Variants in SNTG1 observed in about 807,000 individuals in gnomAD.
The protein encoded by SNTG1 is syntrophin gamma 1.
A neutral mutation model predicts 74.7 loss-of-function variants in SNTG1; 39 were observed. The observed-to-expected ratio is 0.52, with a 90% CI of 0.40 to 0.68. The LOEUF (loss-of-function observed/expected upper bound fraction) is 0.68, where lower values mean the gene tolerates loss of function less well. Among genes scored for constraint, SNTG1 ranks in the 30% least tolerant of loss-of-function variants. SNTG1 has a pLI of 0.00. For missense variants in SNTG1, 685 were observed against 609.5 expected (o/e 1.12, Z -1.30); for synonymous variants, 254 against 217.1 (o/e 1.17, Z -1.49).
At chr8:50,513,968 C>A (rs905825094) in intron 9 of SNTG1, among the ~76,000 whole-genome samples, 11 of 152,204 alleles carry the variant, frequency 7.2e-5, no homozygotes, top group African/African-American at 2.4e-4. Context: ...CCCAGTATCT[C>A]AGTTGGAAAT....
intron 1 of SNTG1, among the ~76,000 whole-genome samples, chr8:50,036,997 G>A (rs1280114571): frequency 6.6e-6 from 1 of 152,126 alleles, no homozygotes; most frequent in African/African-American, 2.4e-5. Context: ...AATAATATGA[G>A]TTCATCATAT....
chr8:50,481,492 A>G (rs1228262459), intron 8 of SNTG1, among the ~76,000 whole-genome samples: 3 of 152,210 alleles, frequency 2.0e-5, no homozygotes, highest in Non-Finnish European at 4.4e-5. Context: ...TCTCCCTATA[A>G]TTGTGCTCTG....
At chr8:50,599,690 A>G (rs1047368323) in intron 13 of SNTG1, among the ~76,000 whole-genome samples, 16 of 152,092 alleles carry the variant, frequency 1.1e-4, no homozygotes, top group African/African-American at 3.9e-4. Flanking sequence ...TTTAAATCCT[A>G]CAGCCTTAAT....
intron 2 of SNTG1, among the ~76,000 whole-genome samples, chr8:50,246,671 G>A (rs936667538): frequency 4.6e-5 from 7 of 152,064 alleles, no homozygotes; most frequent in Admixed American, 2.6e-4. Flanking sequence ...GGGCTCTTTG[G>A]TGAAGCTTTC....
At chr8:50,600,864 T>C (rs2094768214) in intron 13 of SNTG1, among the ~76,000 whole-genome samples, 1 of 151,862 alleles carries the variant, frequency 6.6e-6, no homozygotes, top group Admixed American at 6.6e-5. Flanking sequence ...GTTGCTTGTC[T>C]AGTTCTTTAA....
chr8:50,532,939 A>G (rs2094280681), intron 10 of SNTG1, among the ~76,000 whole-genome samples: 3 of 152,204 alleles, frequency 2.0e-5, no homozygotes, highest in South Asian at 4.1e-4. Flanking sequence ...AGTAGGTATT[A>G]TTCTGGTTTT....
intron 2 of SNTG1, among the ~76,000 whole-genome samples, chr8:50,258,180 A>G (rs1282001489): frequency 6.6e-6 from 1 of 152,210 alleles, no homozygotes; most frequent in African/African-American, 2.4e-5. Flanking sequence ...ATTATTTAAA[A>G]TGCTGAGTTT....
chr8:50,785,902 G>A (rs1008103606), intron 18 of SNTG1, among the ~76,000 whole-genome samples: 2 of 151,170 alleles, frequency 1.3e-5, no homozygotes, highest in African/African-American at 4.9e-5. Context: ...AATTGAATAA[G>A]GACAAAAATA....
chr8:50,656,853 A>G, intron 13 of SNTG1, 56 bp from the exon 14 acceptor site: 1 of 1,081,122 alleles, frequency 9.2e-7, no homozygotes, highest in South Asian at 1.3e-5. Flanking sequence ...ATTTTTAGAT[A>G]TAAGATATCT....
At chr8:50,556,612 C>G (rs2130641914) in intron 12 of SNTG1, among the ~76,000 whole-genome samples, 1 of 152,144 alleles carries the variant, frequency 6.6e-6, no homozygotes, top group East Asian at 1.9e-4. Context: ...TAATTGAAGA[C>G]TTTAAAATAT....
intron 2 of SNTG1, among the ~76,000 whole-genome samples, chr8:50,178,411 A>G (rs529092498): frequency 2.1e-3 from 308 of 146,418 alleles, no homozygotes; most frequent in Non-Finnish European, 2.7e-3. Flanking sequence ...GTGCGCGCGC[A>G]CACACACACA....
intron 12 of SNTG1, among the ~76,000 whole-genome samples, chr8:50,584,777 T>A (rs2130841516): frequency 6.6e-6 from 1 of 152,254 alleles, no homozygotes; most frequent in African/African-American, 2.4e-5. Context: ...AACAGAAGAA[T>A]ACCAGTCTTC....
At chr8:50,379,103 C>T (rs915055338) in intron 2 of SNTG1, among the ~76,000 whole-genome samples, 8 of 152,168 alleles carry the variant, frequency 5.3e-5, no homozygotes, top group Admixed American at 6.5e-5. Context: ...CTGCCCTCAA[C>T]CCCACCTCAG....
intron 1 of SNTG1, among the ~76,000 whole-genome samples, chr8:50,153,948 A>T (rs2082163216): frequency 6.6e-6 from 1 of 152,140 alleles, no homozygotes; most frequent in Non-Finnish European, 1.5e-5. Context: ...ATGAACATTT[A>T]AGTCTGCAGA....
intron 4 of SNTG1, among the ~76,000 whole-genome samples, chr8:50,412,999 T>A (rs535872699): frequency 6.6e-6 from 1 of 152,184 alleles, no homozygotes; most frequent in South Asian, 2.1e-4. Flanking sequence ...TTAGAACCAA[T>A]GCAATTTTGT....
chr8:50,458,956 T>C (rs1458417318), intron 8 of SNTG1, among the ~76,000 whole-genome samples: 1 of 152,170 alleles, frequency 6.6e-6, no homozygotes, highest in Non-Finnish European at 1.5e-5. Flanking sequence ...TTTTGTCAGT[T>C]GTGCTTTTGG....
At chr8:50,432,710 A>G (rs2093251783) in intron 4 of SNTG1, among the ~76,000 whole-genome samples, 1 of 152,022 alleles carries the variant, frequency 6.6e-6, no homozygotes, top group African/African-American at 2.4e-5. Flanking sequence ...AGTTTCATAT[A>G]TAAATCCTAT....
rs183012012 is a variant in SNTG1, at chr8:50,634,287, T to C, written c.850-22622T>C. Reference sequence around the variant, plus strand: ...AAGCTACAACTGGCAGATTAAAGCCTCCTTTTCTGTGGGGCGGCTAACTGT... The same window carrying C: ...AAGCTACAACTGGCAGATTAAAGCCCCCTTTTCTGTGGGGCGGCTAACTGT... On this transcript the variant is annotated intron_variant, in intron 13 of 18. Transcript: ENST00000642720. Among the ~76,000 whole-genome samples, 77 of 152,346 alleles carry C rather than the reference T, an allele frequency of 5.1e-4. 1 individual carries two copies. In the East Asian group the frequency reaches 0.014, roughly 28 times the overall value.
Position 50,793,304 on chromosome 8 carries a change from T to G in SNTG1, c.*475T>G, listed in dbSNP as rs1181640972. 3 of 152,010 alleles carry G rather than the reference T, an allele frequency of 2.0e-5. No individual in the cohort carries two copies. The highest frequency in any genetic ancestry group is 4.8e-5 in the African/African-American group (2 of 41,424). The allele number at this position is 152,010 out of a possible 1,614,324, so 9.4% of individuals were successfully genotyped here. On this transcript the variant is annotated 3_prime_UTR_variant, in exon 19 of 19. Coordinates refer to ENST00000642720, the MANE Select transcript of SNTG1 (RefSeq NM_018967.5). ...AAAAACCATAAATCAGCAAGGAGCA[T>G]GCAAAAAAATCTCATCAAAGAAGGA...
Sources: gnomAD v4.1 joint callset for allele counts (sites outside exome capture counted in the v4.1 genomes callset) on GRCh38, gnomAD v4.1.1 for gene constraint, MANE v1.5 for transcripts, NCBI Gene and HGNC (gene_info 2026-07-23, HGNC 2026-07-21) for gene names.